The following CNOT3 variants were observed in gnomAD, a reference collection of about 807,000 sequenced individuals.
The protein encoded by CNOT3 is CCR4-NOT transcription complex subunit 3.
CNOT3 carries 2 observed loss-of-function variants against 89.4 expected under a neutral mutation model. That is an observed-to-expected ratio of 0.02 (90% CI 0.01 to 0.07). The LOEUF (loss-of-function observed/expected upper bound fraction) is 0.07, where lower values mean the gene tolerates loss of function less well. Ranked by LOEUF, CNOT3 falls within the 10% of genes least tolerant of loss-of-function variation. The pLI, the probability that CNOT3 is intolerant of heterozygous loss-of-function variation, is 1.00. For synonymous variants in CNOT3, 486 were observed against 402.0 expected (o/e 1.21, Z -2.50); for missense variants, 664 against 1,010.2 (o/e 0.66, Z 4.65).
chr19:54,154,345 T>C (rs2075305495), intron 17 of CNOT3: 3 of 268,708 alleles, frequency 1.1e-5, no homozygotes, highest in Non-Finnish European at 2.3e-5. Flanking sequence ...GGAACCAACC[T>C]ACCTGGGTTT....
chr19:54,142,897 C>T (rs1331440551), intron 1 of CNOT3, 32 bp from the exon 2 acceptor site: 22 of 1,403,558 alleles, frequency 1.6e-5, no homozygotes, highest in Middle Eastern at 2.0e-4. Context: ...CCAGGGAATA[C>T]GTGTTAATTC....
At chr19:54,150,495 G>A (rs1056827848) in intron 13 of CNOT3, among the ~76,000 whole-genome samples, 1 of 152,138 alleles carries the variant, frequency 6.6e-6, no homozygotes, top group Non-Finnish European at 1.5e-5. Context: ...CCTGATCATC[G>A]AGGGTCAGGA....
Position 54,153,858 on chromosome 19 carries a change from TCTCTTCCCGCTG to T in CNOT3, c.2163+21_2163+32del. ...TTGAGCAGGTGAGGGCCCCGCCCCC[TCTCTTCCCGCTG>T]CTAGGGTTGGGGTAGAGTCCCCAGG... On this transcript the variant is annotated intron_variant, in intron 17 of 17. Coordinates refer to ENST00000221232, the MANE Select transcript of CNOT3 (RefSeq NM_014516.4). 6.2e-7 allele frequency: 1 copy of T among 1,613,804 alleles called. No homozygotes were observed. The highest frequency in any genetic ancestry group is 1.7e-5 in the Admixed American group (1 of 59,988).
chr19:54,146,110 G>T, intron 9 of CNOT3, 67 bp downstream of exon 9: 1 of 1,579,286 alleles, frequency 6.3e-7, no homozygotes, highest in East Asian at 2.2e-5. Context: ...GACAAATCTG[G>T]GTCACTCCAA....
rs1347509761 is a variant in CNOT3, at chr19:54,155,501, A to G, written c.*94A>G. 7 of 964,010 alleles carry G rather than the reference A, an allele frequency of 7.3e-6. No homozygotes were observed. The highest frequency in any genetic ancestry group is 2.5e-5 in the Admixed American group (1 of 40,776). 59.7% of individuals were successfully genotyped at this position (964,010 alleles called of 1,614,324 possible). On this transcript the variant is annotated 3_prime_UTR_variant, in exon 18 of 18. Transcript: ENST00000221232. Reference sequence around the variant, plus strand: ...CCCTGGAAGACTGGAGGGAGGCCCCAAGCCACGGGGCATCCCCCTCTCCCA... The same window carrying G: ...CCCTGGAAGACTGGAGGGAGGCCCCGAGCCACGGGGCATCCCCCTCTCCCA...
rs587630323 is a variant in CNOT3, at chr19:54,147,056, G to C, written c.894+399G>C. ...AACTGTGAGCACAGGGACTGGGACT[G>C]TCAGGCTGAGGGGCTCAGGCTTTGT... On this transcript the variant is annotated intron_variant, in intron 10 of 17. Coordinates refer to ENST00000221232, the MANE Select transcript of CNOT3 (RefSeq NM_014516.4). Among the ~76,000 whole-genome samples, 39 of 152,336 alleles carry C rather than the reference G, an allele frequency of 2.6e-4. 1 individual carries two copies. In the South Asian group the frequency reaches 6.8e-3, roughly 27 times the overall value.
Position 54,155,579 on chromosome 19 carries a change from C to T in CNOT3, c.*172C>T, listed in dbSNP as rs1201047113. On this transcript the variant is annotated 3_prime_UTR_variant, in exon 18 of 18. Transcript: ENST00000221232. ...TCCTCTCAGCCCCACCCTGGGGGCC[C>T]GGGGGCGAGGGCTGCCCCCTCCTCC... 15 of 1,011,648 alleles carry T rather than the reference C, an allele frequency of 1.5e-5. No homozygotes were observed. Among genetic ancestry groups the T allele is most frequent in the African/African-American group, 3.3e-5 (2 of 61,532 alleles). The allele number at this position is 1,011,648 out of a possible 1,614,324, so 62.7% of individuals were successfully genotyped here.
At chr19:54,153,948 C>A in intron 17 of CNOT3, 108 bp downstream of exon 17, 1 of 1,415,634 alleles carries the variant, frequency 7.1e-7, no homozygotes, top group Non-Finnish European at 1.0e-6. Flanking sequence ...TTTCAGCTGG[C>A]GCAGTCCCTC....
intron 10 of CNOT3, 151 bp downstream of exon 10, chr19:54,146,808 C>T: frequency 1.5e-6 from 1 of 675,312 alleles, no homozygotes; most frequent in Non-Finnish European, 2.7e-6. Flanking sequence ...GTGGGCAGGG[C>T]AAGTGGACAG....
intron 1 of CNOT3, among the ~76,000 whole-genome samples, chr19:54,138,728 G>C (rs1185589129): frequency 6.6e-6 from 1 of 152,236 alleles, no homozygotes; most frequent in Non-Finnish European, 1.5e-5. Flanking sequence ...TTCCACCTCT[G>C]TAGTCTGCAG....
At chr19:54,146,773 G>C in intron 10 of CNOT3, 116 bp downstream of exon 10, 1 of 751,108 alleles carries the variant, frequency 1.3e-6, no homozygotes, top group Non-Finnish European at 2.5e-6. Context: ...AGGTGGCTCA[G>C]AAATCAGTGC....
intron 10 of CNOT3, among the ~76,000 whole-genome samples, 164 bp downstream of exon 10, chr19:54,146,821 G>C (rs1208228411): frequency 6.6e-6 from 1 of 152,234 alleles, no homozygotes; most frequent in Non-Finnish European, 1.5e-5. Flanking sequence ...GTGGACAGGT[G>C]ACTGGTGCTG....
rs2074511757 is a variant in CNOT3, at chr19:54,142,927, A to G, written c.-50-2A>G. 1 of 1,587,592 alleles carries G rather than the reference A, an allele frequency of 6.3e-7. No individual in the cohort carries two copies. On this transcript the variant is annotated splice_acceptor_variant, in intron 1 of 17. Transcript: ENST00000221232. LOFTEE classifies it low-confidence loss of function (5UTR_SPLICE). ...TAATTCCTCTCCAATCTCTCCTAGC[A>G]GCGTCCGTCTCCAAGAGAGTATGAA...
chr19:54,143,342 T>TGGGG (rs34281370), intron 3 of CNOT3, 100 bp from the exon 4 acceptor site: 4 of 947,940 alleles, frequency 4.2e-6, no homozygotes, highest in Non-Finnish European at 4.9e-6. Flanking sequence ...GGGTAGGGGT[T>TGGGG]GGGGGGGGTC....
In CNOT3 at chr19:54,148,559, G is replaced by A. The variant is rs760224954; in HGVS notation, c.1282+24G>A. ...CAGTGAGTGAGGAGGCAGCGGGGTG[G>A]GGGGCGTGGGCGGGGCTGGGCAGCA... is the stretch of plus-strand genomic sequence containing the variant. On this transcript the variant is annotated intron_variant, in intron 11 of 17. Coordinates refer to ENST00000221232, the MANE Select transcript of CNOT3 (RefSeq NM_014516.4). This position sits in a 1 kb window ranked among gnomAD's most constrained non-coding sequence, Gnocchi z 6.3. 8.9e-6 allele frequency: 14 copies of A among 1,577,616 alleles called. No individual in the cohort carries two copies. The highest frequency in any genetic ancestry group is 3.4e-5 in the South Asian group (3 of 87,402).
chr19:54,149,498 C>T, intron 12 of CNOT3, 62 bp from the exon 13 acceptor site: 1 of 1,109,544 alleles, frequency 9.0e-7, no homozygotes, highest in East Asian at 2.5e-5. Context: ...AGCCAGGCCT[C>T]TCTGCCCATC....
intron 17 of CNOT3, chr19:54,155,055 G>C (rs533902008): frequency 3.7e-6 from 2 of 547,106 alleles, no homozygotes; most frequent in Non-Finnish European, 6.5e-6. Context: ...CCTGGGGCTG[G>C]GGCCCCGTTC....
chr19:54,146,178 C>T (rs1224721239), intron 9 of CNOT3, 135 bp downstream of exon 9: 4 of 935,644 alleles, frequency 4.3e-6, no homozygotes, highest in Non-Finnish European at 6.4e-6. Flanking sequence ...GGTCTAGGCT[C>T]TTGGAGCACA....
chr19:54,152,399 A>G, intron 14 of CNOT3, 29 bp from the exon 15 acceptor site: 1 of 1,613,712 alleles, frequency 6.2e-7, no homozygotes. Context: ...CTCACCACTG[A>G]GGGGGCCGGA....
Sources: allele counts gnomAD v4.1 joint callset (sites outside exome capture counted in the v4.1 genomes callset), GRCh38; gene constraint gnomAD v4.1.1; non-coding constraint Gnocchi (gnomAD v3.1); transcripts MANE v1.5; gene names NCBI Gene and HGNC (gene_info 2026-07-23, HGNC 2026-07-21).